PARD3B: variants seen among roughly 807,000 people sequenced by gnomAD.
PARD3B encodes partitioning defective 3 homolog B.
In PARD3B, 103 loss-of-function variants were observed where a neutral mutation model predicts 130.2. That is an observed-to-expected ratio of 0.79 (90% confidence interval 0.67 to 0.93). PARD3B has a LOEUF of 0.93. PARD3B is among the 40% of genes least tolerant of loss of function. The pLI, the probability that PARD3B is intolerant of heterozygous loss-of-function variation, is 0.00. For missense variants in PARD3B, 1,609 were observed against 1,499.2 expected (o/e 1.07, Z -1.21); for synonymous variants, 583 against 553.2 (o/e 1.05, Z -0.76).
chr2:205,444,602 G>A (rs2047840896), intron 20 of PARD3B, among the ~76,000 whole-genome samples: 2 of 152,154 alleles, frequency 1.3e-5, no homozygotes, highest in South Asian at 4.1e-4. Flanking sequence ...GTCATAATTG[G>A]GGAATGAGCT....
chr2:204,695,327 A>C (rs2037560596), intron 2 of PARD3B, among the ~76,000 whole-genome samples: 1 of 151,934 alleles, frequency 6.6e-6, no homozygotes, highest in South Asian at 2.1e-4. Flanking sequence ...TAATACCTAA[A>C]ATTATACCAA....
At chr2:205,532,389 C>G (rs2051639373) in intron 21 of PARD3B, among the ~76,000 whole-genome samples, 1 of 152,144 alleles carries the variant, frequency 6.6e-6, no homozygotes, top group African/African-American at 2.4e-5. Context: ...TTTTCTCAGA[C>G]TTACTCCAGA....
At chr2:204,637,156 A>G (rs1265202515) in intron 1 of PARD3B, among the ~76,000 whole-genome samples, 1 of 152,036 alleles carries the variant, frequency 6.6e-6, no homozygotes, top group East Asian at 1.9e-4. Flanking sequence ...TTACCCTCAT[A>G]TCCTCAGAAA....
chr2:204,690,045 A>G (rs1472172540), intron 2 of PARD3B, among the ~76,000 whole-genome samples: 1 of 152,178 alleles, frequency 6.6e-6, no homozygotes, highest in African/African-American at 2.4e-5. Flanking sequence ...CATATTTAAT[A>G]TATTTCAACC....
At chr2:205,152,231 T>C (rs1224425125) in intron 10 of PARD3B, among the ~76,000 whole-genome samples, 2 of 152,190 alleles carry the variant, frequency 1.3e-5, no homozygotes, top group East Asian at 1.9e-4. Context: ...CTGACAGTTA[T>C]GTGTTTTGGA....
chr2:205,555,588 T>G (rs1337337435), intron 22 of PARD3B, among the ~76,000 whole-genome samples: 1 of 152,214 alleles, frequency 6.6e-6, no homozygotes, highest in Non-Finnish European at 1.5e-5. Context: ...TGGCTCTTTA[T>G]GAATGTATGA....
chr2:204,723,401 G>A (rs533177546), intron 2 of PARD3B, among the ~76,000 whole-genome samples: 1 of 152,194 alleles, frequency 6.6e-6, no homozygotes, highest in Admixed American at 6.5e-5. Context: ...TTCTGAGTAA[G>A]CTAAAGACAT....
Position 205,584,054 on chromosome 2 carries a change from C to T in PARD3B, c.3260+30651C>T, listed in dbSNP as rs377731698. Among the ~76,000 whole-genome samples the T allele has an allele frequency of 5.9e-5, 9 of 152,230 alleles. No individual in the cohort carries two copies. In the East Asian group the frequency reaches 1.2e-3, roughly 20 times the overall value. On this transcript the variant is annotated intron_variant, in intron 22 of 22. Transcript: ENST00000406610. The surrounding 1 kb of genome is among the most constrained non-coding windows in gnomAD (Gnocchi z 5.5). ...TATTTTATCTTGGAAACTTGATTTT[C>T]GAAGTATTTAGGAAAATGCTTCAAA...
intron 3 of PARD3B, among the ~76,000 whole-genome samples, chr2:205,043,632 C>G (rs763819536): frequency 5.9e-5 from 9 of 152,054 alleles, no homozygotes; most frequent in African/African-American, 1.9e-4. Context: ...CACTGGAAGC[C>G]TCTATGAAAC....
chr2:205,355,319 T>G (rs2044152774), intron 18 of PARD3B, among the ~76,000 whole-genome samples: 1 of 152,174 alleles, frequency 6.6e-6, no homozygotes, highest in African/African-American at 2.4e-5. Context: ...GATTATTCCT[T>G]CAGGATAAAA....
intron 16 of PARD3B, among the ~76,000 whole-genome samples, chr2:205,286,031 A>G (rs1269976815): frequency 1.3e-5 from 2 of 152,180 alleles, no homozygotes; most frequent in African/African-American, 2.4e-5. Context: ...GATGGGAAAA[A>G]CTATTTAATG....
chr2:204,719,186 C>A (rs928916962), intron 2 of PARD3B, among the ~76,000 whole-genome samples: 4 of 152,228 alleles, frequency 2.6e-5, no homozygotes, highest in Admixed American at 2.6e-4. Flanking sequence ...CAAAACTTTT[C>A]GAAAGCACAT....
intron 21 of PARD3B, 66 bp downstream of exon 21, chr2:205,500,097 A>G (rs1180019337): frequency 7.7e-6 from 12 of 1,562,174 alleles, no homozygotes; most frequent in South Asian, 5.7e-5. Context: ...GCAGAAGAAC[A>G]CGGTCAAGAA....
Position 205,125,816 on chromosome 2 carries a change from C to T in PARD3B, c.1434+79C>T, listed in dbSNP as rs1020904319. On this transcript the variant is annotated intron_variant, in intron 10 of 22. Transcript: ENST00000406610. The surrounding 1 kb of genome is among the most constrained non-coding windows in gnomAD (Gnocchi z 4.0). Reference sequence around the variant, plus strand: ...CAATGAACTCATTATAGCTGAGAAACGAGTTCTAAATCACAGGCTTCATTC... The same window carrying T: ...CAATGAACTCATTATAGCTGAGAAATGAGTTCTAAATCACAGGCTTCATTC... The T allele has an allele frequency of 1.6e-5, 25 of 1,525,242 alleles. No individual in the cohort carries two copies. Among genetic ancestry groups the T allele is most frequent in the African/African-American group, 4.1e-5 (3 of 72,504 alleles). 94.5% of individuals were successfully genotyped at this position (1,525,242 alleles called of 1,614,324 possible). A position where few individuals can be genotyped will look rare whatever the true frequency, so the allele number is the denominator to read the frequency against.
rs986854131 is a variant in PARD3B at position 205,384,384 on chromosome 2, A to G, written c.2631-16629A>G. 6.2e-4 allele frequency among the ~76,000 whole-genome samples: 94 copies of G among 152,222 alleles called. 1 individual carries two copies. The highest frequency in any genetic ancestry group is 2.5e-3 in the Admixed American group (38 of 15,272). On this transcript the variant is annotated intron_variant, in intron 18 of 22. Transcript: ENST00000406610. ...AGCACAGGCTGTGGGTAATCTACAT[A>G]GGAGATAAAAAGCCTCTGAGTCACT...
Position 205,395,440 on chromosome 2 carries a change from T to C in PARD3B, c.2631-5573T>C, listed in dbSNP as rs1164553149. ...TGCAACCACATTCTCTTGACTTTCT[T>C]TCTAGCTCTCTTGCTGTTCTTTCTC... On this transcript the variant is annotated intron_variant, in intron 18 of 22. Transcript: ENST00000406610. Among the ~76,000 whole-genome samples the C allele has an allele frequency of 5.9e-5, 9 of 152,228 alleles. No individual in the cohort carries two copies. The South Asian group carries it at 1.9e-3, about 32-fold the overall frequency.
intron 18 of PARD3B, among the ~76,000 whole-genome samples, chr2:205,356,706 T>G (rs917544383): frequency 6.6e-6 from 1 of 151,838 alleles, no homozygotes; most frequent in African/African-American, 2.4e-5. Flanking sequence ...GCCTGGCCAA[T>G]ATGGTGAAAC....
intron 18 of PARD3B, among the ~76,000 whole-genome samples, chr2:205,349,672 G>T (rs2043921508): frequency 6.6e-6 from 1 of 151,894 alleles, no homozygotes; most frequent in Non-Finnish European, 1.5e-5. Context: ...ACTTCAGAAT[G>T]AAAGCTGAGG....
chr2:204,685,013 A>G (rs2125241148), intron 1 of PARD3B, among the ~76,000 whole-genome samples: 1 of 152,266 alleles, frequency 6.6e-6, no homozygotes, highest in South Asian at 2.1e-4. Context: ...TAGATGCCTT[A>G]AAAAAGTATT....
Sources: allele counts gnomAD v4.1 joint callset (sites outside exome capture counted in the v4.1 genomes callset), GRCh38; gene constraint gnomAD v4.1.1; non-coding constraint Gnocchi (gnomAD v3.1); transcripts MANE v1.5; gene names NCBI Gene and HGNC (gene_info 2026-07-23, HGNC 2026-07-21).